SMARCA2: variants seen among roughly 807,000 people sequenced by gnomAD.
SMARCA2 encodes SWI/SNF-related matrix-associated actin-dependent regulator of chromatin subfamily A member 2.
Under a neutral mutation model 199.8 loss-of-function variants are expected in SMARCA2, and 61 were observed. The observed-to-expected ratio is 0.31, with a 90% CI of 0.25 to 0.38. SMARCA2 has a LOEUF of 0.38. Ranked by LOEUF, SMARCA2 falls within the 10% of genes least tolerant of loss-of-function variation. The probability of loss-of-function intolerance (pLI) is 1.00; values close to 1 mark genes in which losing one functional copy is unlikely to be tolerated. For synonymous variants in SMARCA2, 935 were observed against 732.0 expected, an observed-to-expected ratio of 1.28 and a Z score of -4.48; for missense variants, 1,344 against 2,012.2, an observed-to-expected ratio of 0.67 and a Z score of 6.35.
Position 2,039,662 on chromosome 9 carries a change from T to C in SMARCA2, c.552T>C (p.Ala184=). 6.2e-7 allele frequency: 1 copy of C among 1,614,164 alleles called. No individual in the cohort carries two copies. Among genetic ancestry groups the C allele is most frequent in the African/African-American group, 1.3e-5 (1 of 75,048 alleles). Reference sequence around the variant, plus strand: ...CTGTCCAGCTGCATCAGCTTCGAGCTCAGATTTTAGCTTATAAAATGCTGG... The same window carrying C: ...CTGTCCAGCTGCATCAGCTTCGAGCCCAGATTTTAGCTTATAAAATGCTGG... ...FSPVQLHQLR[A]QILAYKMLAR... Residue 184 remains alanine, a synonymous_variant, in exon 4 of 34, where the codon GCT becomes GCC. Coordinates refer to ENST00000349721, the MANE Select transcript of SMARCA2 (RefSeq NM_003070.5). The surrounding 1 kb of genome is among the most constrained non-coding windows in gnomAD (Gnocchi z 4.8).
Position 2,081,819 on chromosome 9 carries a change from C to G in SMARCA2, c.2185-13C>G. On this transcript the variant is annotated splice_polypyrimidine_tract_variant and intron_variant, in intron 14 of 33. Coordinates refer to ENST00000349721, the MANE Select transcript of SMARCA2 (RefSeq NM_003070.5). ...AGATCTTGGATAATTGAAGCAATTACTCTTCATTTCAGCTCCAGGGCCTGG... is the reference window on the plus strand; with the variant it reads ...AGATCTTGGATAATTGAAGCAATTAGTCTTCATTTCAGCTCCAGGGCCTGG... 6.2e-7 allele frequency: 1 copy of G among 1,611,404 alleles called. No homozygotes were observed. The highest frequency in any genetic ancestry group is 8.5e-7 in the Non-Finnish European group (1 of 1,178,276).
intron 23 of SMARCA2, among the ~76,000 whole-genome samples, chr9:2,107,400 C>T (rs540428871): frequency 3.0e-4 from 45 of 152,346 alleles, no homozygotes; most frequent in African/African-American, 1.1e-3. Flanking sequence ...TCCCTGCAAC[C>T]TCCGCCTCCT....
chr9:2,170,475 C>T lies in SMARCA2; in HGVS notation c.4253+3C>T, dbSNP rs1826189320. 5 of 1,614,070 alleles carry T rather than the reference C, an allele frequency of 3.1e-6. No individual in the cohort carries two copies. The highest frequency in any genetic ancestry group is 4.2e-6 in the Non-Finnish European group (5 of 1,179,970). ...CAGTTGGAAATAGAAGGAAACAGGT[C>T]AGGATCTGTCTTGTATTCCCCTATC... is the stretch of plus-strand genomic sequence containing the variant. On this transcript the variant is annotated splice_donor_region_variant and intron_variant, in intron 29 of 33. Coordinates refer to ENST00000349721, the MANE Select transcript of SMARCA2 (RefSeq NM_003070.5). The surrounding 1 kb of genome is among the most constrained non-coding windows in gnomAD (Gnocchi z 4.7).
intron 27 of SMARCA2, among the ~76,000 whole-genome samples, chr9:2,155,552 A>G (rs886916467): frequency 2.0e-5 from 3 of 152,124 alleles, no homozygotes; most frequent in Non-Finnish European, 4.4e-5. Context: ...AAGTGCTGGG[A>G]TTACAGGCGT....
chr9:2,060,604 C>T (rs1820546237), intron 8 of SMARCA2, among the ~76,000 whole-genome samples: 1 of 152,228 alleles, frequency 6.6e-6, no homozygotes, highest in Admixed American at 6.5e-5. Flanking sequence ...CCGGACTTTG[C>T]TGTAAACTCC....
intron 27 of SMARCA2, among the ~76,000 whole-genome samples, chr9:2,153,805 C>T (rs552336731): frequency 1.3e-5 from 2 of 151,084 alleles, no homozygotes; most frequent in South Asian, 4.2e-4. Context: ...CACGTCTATG[C>T]AAAGCTGTGT....
chr9:2,127,064 T>G (rs565639539), intron 27 of SMARCA2, among the ~76,000 whole-genome samples: 2 of 152,354 alleles, frequency 1.3e-5, no homozygotes, highest in East Asian at 3.9e-4. Flanking sequence ...CTCTTTCTCT[T>G]GAACTTTCCT....
chr9:2,174,007 G>A (rs1826399246), intron 29 of SMARCA2, among the ~76,000 whole-genome samples: 1 of 152,140 alleles, frequency 6.6e-6, no homozygotes, highest in Non-Finnish European at 1.5e-5. Flanking sequence ...AGGCTGCTTT[G>A]ACTCTTGGTG....
Position 2,186,090 on chromosome 9 carries a change from AT to A in SMARCA2, c.4462-3del. On this transcript the variant is annotated splice_region_variant and splice_polypyrimidine_tract_variant and intron_variant, in intron 31 of 33. Coordinates refer to ENST00000349721, the MANE Select transcript of SMARCA2 (RefSeq NM_003070.5). Reference sequence around the variant, plus strand: ...AGTTTTAACAGATGCCCCTTTGACCATTTAGATCTATGAAGACTCCATCGTC... The same window carrying A: ...AGTTTTAACAGATGCCCCTTTGACCATTAGATCTATGAAGACTCCATCGTC... 1 of 1,613,662 alleles carries A rather than the reference AT, an allele frequency of 6.2e-7. No homozygotes were observed. Among genetic ancestry groups the A allele is most frequent in the African/African-American group, 1.3e-5 (1 of 75,040 alleles).
Position 2,150,022 on chromosome 9 carries a change from A to G in SMARCA2, c.3982-11664A>G, listed in dbSNP as rs763774273. On this transcript the variant is annotated intron_variant, in intron 27 of 33. Coordinates refer to ENST00000349721, the MANE Select transcript of SMARCA2 (RefSeq NM_003070.5). The stretch of plus-strand genomic sequence containing the variant: ...ACACTCTAATAATATGTGTATGTGC[A>G]TCTATGTGTATTTATGTATGTGTAC... Among the ~76,000 whole-genome samples, 24 of 151,534 alleles carry G rather than the reference A, an allele frequency of 1.6e-4. 2 individuals carry two copies. Among genetic ancestry groups the G allele is most frequent in the Non-Finnish European group, 3.4e-4 (23 of 67,714 alleles).
chr9:2,106,973 C>T (rs1333780808), intron 23 of SMARCA2, among the ~76,000 whole-genome samples: 1 of 152,144 alleles, frequency 6.6e-6, no homozygotes, highest in African/African-American at 2.4e-5. Context: ...GTATCAAAGT[C>T]TGAAAGACCA....
At chr9:2,122,482 G>T (rs1314381112) in intron 26 of SMARCA2, among the ~76,000 whole-genome samples, 1 of 152,168 alleles carries the variant, frequency 6.6e-6, no homozygotes, top group East Asian at 1.9e-4. Context: ...ACAGGATTAA[G>T]CATCGTGAGC....
rs1826134229 is a variant in SMARCA2, at chr9:2,169,657, G to A, written c.4200-762G>A. 6.6e-6 allele frequency among the ~76,000 whole-genome samples: 1 copy of A among 152,052 alleles called. No homozygotes were observed. The highest frequency in any genetic ancestry group is 6.5e-5 in the Admixed American group (1 of 15,272). ...CAGGCTGTGAATCCCAAAGGGTGCT[G>A]TCTACACCTGGAGGGAGATCTAGAG... On this transcript the variant is annotated intron_variant, in intron 28 of 33. Transcript: ENST00000349721. This position sits in a 1 kb window ranked among gnomAD's most constrained non-coding sequence, Gnocchi z 6.5.
At chr9:2,154,266 G>T (rs1223214494) in intron 27 of SMARCA2, among the ~76,000 whole-genome samples, 3 of 152,236 alleles carry the variant, frequency 2.0e-5, no homozygotes, top group Non-Finnish European at 4.4e-5. Context: ...TGCTGCTGCT[G>T]CTGGCAGGGA....
At chr9:2,181,387 T>TTAAAATTATCACAAGGGACATCA in intron 29 of SMARCA2, 184 bp from the exon 30 acceptor site, 6 of 504,946 alleles carry the variant, frequency 1.2e-5, no homozygotes, top group South Asian at 9.2e-5. Context: ...TACTGTGATC[T>TTAAAATTATCACAAGGGACATCA]TAAAATTATC....
chr9:2,058,840 G>A (rs1374522280), intron 8 of SMARCA2, among the ~76,000 whole-genome samples: 1 of 152,082 alleles, frequency 6.6e-6, no homozygotes, highest in East Asian at 1.9e-4. Flanking sequence ...CACGTTTTTT[G>A]GAATGAATAA....
In SMARCA2 at chr9:2,115,777, A is replaced by C; in HGVS notation, c.3457-45A>C. On this transcript the variant is annotated intron_variant, in intron 24 of 33. Coordinates refer to ENST00000349721, the MANE Select transcript of SMARCA2 (RefSeq NM_003070.5). The surrounding 1 kb of genome is among the most constrained non-coding windows in gnomAD (Gnocchi z 6.0). ...GGGTGGGGTCCGGTTTTGGATGCCT[A>C]TGCCAGGCATCTCAGTCCTCATAGC... The C allele has an allele frequency of 6.6e-7, 1 of 1,520,564 alleles. No homozygotes were observed. Among genetic ancestry groups the C allele is most frequent in the Non-Finnish European group, 9.1e-7 (1 of 1,100,614 alleles). The allele number at this position is 1,520,564 out of a possible 1,614,324, so 94.2% of individuals were successfully genotyped here.
chr9:2,180,129 G>C (rs1480155844), intron 29 of SMARCA2, among the ~76,000 whole-genome samples: 4 of 152,126 alleles, frequency 2.6e-5, no homozygotes, highest in African/African-American at 7.2e-5. Context: ...GAACACCTTG[G>C]TTCTTGCTGC....
chr9:2,186,175 A>T lies in SMARCA2; in HGVS notation c.4541A>T (p.Asp1514Val), dbSNP rs1827437669. 6.2e-7 allele frequency: 1 copy of T among 1,614,110 alleles called. No individual in the cohort carries two copies. Residue 1514 changes from aspartate (D) to valine (V), a missense_variant, in exon 32 of 34, where the codon GAT (aspartate) becomes GTT (valine). Asp to Val is a radical substitution (Grantham distance 152). Coordinates refer to ENST00000349721, the MANE Select transcript of SMARCA2 (RefSeq NM_003070.5). ...QKIAKEEESE[D>V]ESNEEEEEED... ...ATTGCCAAAGAGGAAGAGAGTGAGGATGAAAGCAATGAAGAGGAGGAAGAG... is the reference window on the plus strand; with the variant it reads ...ATTGCCAAAGAGGAAGAGAGTGAGGTTGAAAGCAATGAAGAGGAGGAAGAG...
Sources: allele counts gnomAD v4.1 joint callset (sites outside exome capture counted in the v4.1 genomes callset), GRCh38; gene constraint gnomAD v4.1.1; non-coding constraint Gnocchi (gnomAD v3.1); transcripts MANE v1.5; gene names NCBI Gene and HGNC (gene_info 2026-07-23, HGNC 2026-07-21).